Variants in DIS3L2 observed in about 807,000 individuals in gnomAD.
DIS3L2 encodes DIS3 like 3'-5' exoribonuclease 2, also known as DIS3-like exonuclease 2.
Under a neutral mutation model 97.5 loss-of-function variants are expected in DIS3L2, and 34 were observed. The ratio of observed to expected loss-of-function variants is 0.35; its 90% CI spans 0.27 to 0.46. The LOEUF (loss-of-function observed/expected upper bound fraction) is 0.46. DIS3L2 is among the 20% of genes least tolerant of loss of function. The probability of loss-of-function intolerance (pLI) is 1.00; values close to 1 mark genes in which losing one functional copy is unlikely to be tolerated. For synonymous variants in DIS3L2, 435 were observed against 445.2 expected (o/e 0.98, Z 0.29); for missense variants, 1,038 against 1,146.0 (o/e 0.91, Z 1.36).
chr2:232,119,674 A>G (rs916582886), intron 6 of DIS3L2, among the ~76,000 whole-genome samples: 4 of 152,218 alleles, frequency 2.6e-5, no homozygotes, highest in Admixed American at 6.5e-5. Context: ...AGTGTTGAAG[A>G]TGTAATTAAT....
intron 5 of DIS3L2, among the ~76,000 whole-genome samples, chr2:232,055,392 C>T (rs957722199): frequency 3.9e-5 from 6 of 151,996 alleles, no homozygotes; most frequent in Middle Eastern, 6.8e-3. Flanking sequence ...ATATCAACAA[C>T]AAAGAAAAAA....
At chr2:232,084,625 G>A (rs1696516192) in intron 5 of DIS3L2, among the ~76,000 whole-genome samples, 1 of 152,186 alleles carries the variant, frequency 6.6e-6, no homozygotes, top group African/African-American at 2.4e-5. Flanking sequence ...TAGTATTAAA[G>A]AGAGGGAGAT....
intron 6 of DIS3L2, among the ~76,000 whole-genome samples, chr2:232,116,170 TTAAATAAATAAATGAATAAA>T (rs753554296): frequency 0.038 from 4,309 of 111,942 alleles, 83 homozygotes; most frequent in South Asian, 0.052. Context: ...AGACTTGGTC[TTAAATAAATAAATGAATAAA>T]TAAATAAATA....
chr2:232,258,625 A>AAG (rs1435982001), intron 12 of DIS3L2, among the ~76,000 whole-genome samples: 1 of 150,978 alleles, frequency 6.6e-6, no homozygotes, highest in Non-Finnish European at 1.5e-5. Flanking sequence ...AAAAAAGGAA[A>AAG]GAGGAAAGAC....
intron 6 of DIS3L2, 45 bp downstream of exon 6, chr2:232,087,766 T>A: frequency 2.1e-6 from 3 of 1,433,344 alleles, no homozygotes; most frequent in Non-Finnish European, 2.9e-6. Flanking sequence ...AGTACACTGA[T>A]TAAGTATTGG....
At chr2:231,987,444 A>C (rs1045171543) in intron 1 of DIS3L2, among the ~76,000 whole-genome samples, 2 of 152,230 alleles carry the variant, frequency 1.3e-5, no homozygotes, top group South Asian at 4.1e-4. Context: ...GCTCTGCATG[A>C]ATATAGGTTT....
intron 5 of DIS3L2, among the ~76,000 whole-genome samples, chr2:232,059,603 T>G (rs895547922): frequency 9.8e-5 from 15 of 152,322 alleles, no homozygotes; most frequent in African/African-American, 2.6e-4. Context: ...TTGAACATAG[T>G]ACCCAGTAGT....
At chr2:232,313,544 G>A (rs572748457) in intron 14 of DIS3L2, among the ~76,000 whole-genome samples, 1 of 152,276 alleles carries the variant, frequency 6.6e-6, no homozygotes, top group African/African-American at 2.4e-5. Flanking sequence ...GTAGAATATT[G>A]AACGTGAACC....
At chr2:232,306,727 C>G (rs1251190007) in intron 14 of DIS3L2, among the ~76,000 whole-genome samples, 1 of 152,202 alleles carries the variant, frequency 6.6e-6, no homozygotes, top group East Asian at 1.9e-4. Context: ...TGAATAAACG[C>G]TGATGCTGCC....
rs1188570862 is a variant in DIS3L2, at chr2:232,148,034, G to GTCCCC, written c.950+11338_950+11342dup. On this transcript the variant is annotated intron_variant, in intron 8 of 20. Coordinates refer to ENST00000325385, the MANE Select transcript of DIS3L2 (RefSeq NM_152383.5). ...CTCCTCTCCTCTCCTCTCTTCTCCT[G>GTCCCC]TCCCCTCCCCTCCCCTCCCCTCCCC... is the stretch of plus-strand genomic sequence containing the variant. 5.0e-3 allele frequency among the ~76,000 whole-genome samples: 422 copies of GTCCCC among 83,602 alleles called. 7 individuals are homozygous for GTCCCC. Among genetic ancestry groups the GTCCCC allele is most frequent in the African/African-American group, 0.018 (380 of 20,708 alleles). The allele number at this position is 83,602 out of a possible 152,430, so 54.8% of individuals were successfully genotyped here. A position where few individuals can be genotyped will look rare whatever the true frequency, so the allele number is the denominator to read the frequency against.
chr2:232,250,233 A>G (rs1559174898), intron 12 of DIS3L2, among the ~76,000 whole-genome samples: 1 of 152,236 alleles, frequency 6.6e-6, no homozygotes, highest in Non-Finnish European at 1.5e-5. Context: ...TGGAAGTAAA[A>G]AAAGATATTT....
At position 232,268,570 on chromosome 2, in the gene DIS3L2, T is replaced by G. The variant is rs1252961602; in HGVS notation, c.1659+5130T>G. ...GTTGCTTTAAATGGATAAATGTGGC[T>G]GTGTTTCAACAAAACTTTAAGAACA... On this transcript the variant is annotated intron_variant, in intron 13 of 20. Transcript: ENST00000325385. The surrounding 1 kb of genome is among the most constrained non-coding windows in gnomAD (Gnocchi z 4.1). Among the ~76,000 whole-genome samples, 1 of 152,258 alleles carries G rather than the reference T, an allele frequency of 6.6e-6. No individual in the cohort carries two copies. The highest frequency in any genetic ancestry group is 2.4e-5 in the African/African-American group (1 of 41,466).
At chr2:232,273,612 CA>C (rs1158647064) in intron 13 of DIS3L2, among the ~76,000 whole-genome samples, 3 of 152,176 alleles carry the variant, frequency 2.0e-5, no homozygotes, top group African/African-American at 2.4e-5. Flanking sequence ...GTTGCCTGAA[CA>C]GGTGTGAGGA....
intron 9 of DIS3L2, among the ~76,000 whole-genome samples, chr2:232,197,522 T>C (rs531302389): frequency 1.3e-5 from 2 of 152,182 alleles, no homozygotes; most frequent in South Asian, 4.2e-4. Context: ...GATTTTCAGG[T>C]TGAGGATGGG....
chr2:232,263,510 G>C (rs1168996540), intron 13 of DIS3L2, 70 bp downstream of exon 13: 1 of 1,459,296 alleles, frequency 6.9e-7, no homozygotes, highest in East Asian at 2.4e-5. Context: ...GATGAGCGCA[G>C]CTTGGCAGGC....
chr2:232,305,910 G>A (rs1007992469), intron 14 of DIS3L2, among the ~76,000 whole-genome samples: 9 of 151,734 alleles, frequency 5.9e-5, no homozygotes, highest in Middle Eastern at 3.4e-3. Flanking sequence ...AGCTGAGATC[G>A]TGCCATTGCA....
intron 2 of DIS3L2, 97 bp from the exon 3 acceptor site, chr2:232,015,417 T>C (rs1694324697): frequency 2.7e-6 from 4 of 1,470,634 alleles, no homozygotes; most frequent in East Asian, 2.3e-5. Flanking sequence ...CTCTTGTTGG[T>C]CTCTTTAAAT....
chr2:232,147,221 T>C (rs1307997344), intron 8 of DIS3L2, among the ~76,000 whole-genome samples: 1 of 152,150 alleles, frequency 6.6e-6, no homozygotes, highest in Non-Finnish European at 1.5e-5. Context: ...TCCTCCCACC[T>C]CAGCCTCCCA....
At chr2:231,973,238 T>G (rs943684519) in intron 1 of DIS3L2, among the ~76,000 whole-genome samples, 3 of 152,144 alleles carry the variant, frequency 2.0e-5, no homozygotes, top group African/African-American at 4.8e-5. Context: ...TGAACGAACT[T>G]AACACACTTT....
Sources: allele counts gnomAD v4.1 joint callset (sites outside exome capture counted in the v4.1 genomes callset), GRCh38; gene constraint gnomAD v4.1.1; non-coding constraint Gnocchi (gnomAD v3.1); transcripts MANE v1.5; gene names NCBI Gene and HGNC (gene_info 2026-07-23, HGNC 2026-07-21).